Variants in CMTM8 observed in about 807,000 individuals in gnomAD.
CMTM8 encodes CKLF-like MARVEL transmembrane domain-containing protein 8.
In CMTM8, 12 loss-of-function variants were observed where a neutral mutation model predicts 18.6. The ratio of observed to expected loss-of-function variants is 0.65; its 90% CI spans 0.41 to 1.05. The LOEUF (loss-of-function observed/expected upper bound fraction) is 1.05. Ranked by LOEUF, CMTM8 falls within the 50% of genes least tolerant of loss-of-function variation. The probability of loss-of-function intolerance (pLI) is 0.00; values close to 1 mark genes in which losing one functional copy is unlikely to be tolerated. For missense variants in CMTM8, 217 were observed against 227.2 expected, an observed-to-expected ratio of 0.95 and a Z score of 0.29; for synonymous variants, 87 against 90.6, an observed-to-expected ratio of 0.96 and a Z score of 0.23.
chr3:32,298,247 A>G lies in CMTM8; in HGVS notation c.148-59126A>G, dbSNP rs143182370. ...ACCACCATGCCCAGCTAATTTTTGCATTTTTGGTAGAGACAGGTTTTGCCA... is the reference window on the plus strand; with the variant it reads ...ACCACCATGCCCAGCTAATTTTTGCGTTTTTGGTAGAGACAGGTTTTGCCA... On this transcript the variant is annotated intron_variant, in intron 1 of 3. Coordinates refer to ENST00000307526, the MANE Select transcript of CMTM8 (RefSeq NM_178868.5). Among the ~76,000 whole-genome samples, 592 of 150,868 alleles carry G rather than the reference A, an allele frequency of 3.9e-3. 7 individuals are homozygous for G. The highest frequency in any genetic ancestry group is 0.014 in the African/African-American group (559 of 41,350).
chr3:32,315,363 C>T (rs1344044247), intron 1 of CMTM8, among the ~76,000 whole-genome samples: 3 of 152,278 alleles, frequency 2.0e-5, no homozygotes, highest in African/African-American at 7.2e-5. Context: ...CTCCTCACCT[C>T]AAGTGATCCA....
In CMTM8 at chr3:32,359,813, T is replaced by A. The variant is rs553884134; in HGVS notation, c.321+2267T>A. On this transcript the variant is annotated intron_variant, in intron 2 of 3. Coordinates refer to ENST00000307526, the MANE Select transcript of CMTM8 (RefSeq NM_178868.5). ...ACCCCTGGTTTTAAAATGCTTTGAT[T>A]TGCATTATCAGAATTTATTATCGTA... is the stretch of plus-strand genomic sequence containing the variant. Among the ~76,000 whole-genome samples, 57 of 152,356 alleles carry A rather than the reference T, an allele frequency of 3.7e-4. 3 individuals are homozygous for A. In the South Asian group the frequency reaches 0.012, roughly 31 times the overall value.
At chr3:32,356,461 G>T (rs1326250200) in intron 1 of CMTM8, among the ~76,000 whole-genome samples, 1 of 152,196 alleles carries the variant, frequency 6.6e-6, no homozygotes, top group Non-Finnish European at 1.5e-5. Flanking sequence ...GTTTCCTTTT[G>T]CTTGATGAAG....
intron 1 of CMTM8, among the ~76,000 whole-genome samples, chr3:32,347,199 G>T (rs975267224): frequency 6.6e-6 from 1 of 151,444 alleles, no homozygotes; most frequent in Admixed American, 6.6e-5. Flanking sequence ...AGAGCTGAGT[G>T]TTGTAGTGAA....
chr3:32,238,573 G>A (rs1701898192), upstream of CMTM8: 1 of 156,594 alleles, frequency 6.4e-6, no homozygotes, highest in Non-Finnish European at 1.4e-5. Context: ...GCCGCTGGGA[G>A]TCGGGCAACA....
chr3:32,317,031 A>G (rs1695946534), intron 1 of CMTM8, among the ~76,000 whole-genome samples: 1 of 152,230 alleles, frequency 6.6e-6, no homozygotes, highest in South Asian at 2.1e-4. Context: ...TAAATTTCAA[A>G]CGCTTCAGAG....
intron 1 of CMTM8, among the ~76,000 whole-genome samples, chr3:32,311,790 C>G (rs1695824951): frequency 6.6e-6 from 1 of 152,224 alleles, no homozygotes; most frequent in African/African-American, 2.4e-5. Context: ...GTTGAAGTCT[C>G]AGTCCCACCA....
intron 1 of CMTM8, among the ~76,000 whole-genome samples, chr3:32,249,298 T>G (rs1702084692): frequency 6.6e-6 from 1 of 151,700 alleles, no homozygotes; most frequent in African/African-American, 2.4e-5. Context: ...GGCACGGTGG[T>G]GTGTGCCTGT....
chr3:32,280,846 CA>C (rs60845487), intron 1 of CMTM8, among the ~76,000 whole-genome samples: 20,789 of 67,330 alleles, frequency 0.31, 1,307 homozygotes, highest in South Asian at 0.36. Context: ...AGAAAATAGG[CA>C]AAAAAAAAAA....
chr3:32,239,122 G>C lies in CMTM8; in HGVS notation c.147+3G>C. The C allele has an allele frequency of 6.3e-7, 1 of 1,595,480 alleles. No homozygotes were observed. The highest frequency in any genetic ancestry group is 8.5e-7 in the Non-Finnish European group (1 of 1,171,746). On this transcript the variant is annotated splice_donor_region_variant and intron_variant, in intron 1 of 3. Coordinates refer to ENST00000307526, the MANE Select transcript of CMTM8 (RefSeq NM_178868.5). ...GCTTCCTCATCGTGGCCGAGATCGT[G>C]AGTGCCGACGGGCCGGGGGTGGCGG... is the stretch of plus-strand genomic sequence containing the variant.
At chr3:32,259,848 A>G in intron 1 of CMTM8, 3 of 828,840 alleles carry the variant, frequency 3.6e-6, no homozygotes, top group African/African-American at 1.7e-5. Flanking sequence ...CATGCAGTCC[A>G]GTCCTTGGAG....
At chr3:32,300,374 C>T (rs1393346953) in intron 1 of CMTM8, among the ~76,000 whole-genome samples, 2 of 152,142 alleles carry the variant, frequency 1.3e-5, no homozygotes, top group Non-Finnish European at 2.9e-5. Context: ...CCAATTCTTA[C>T]ACAGAAAAGT....
intron 1 of CMTM8, among the ~76,000 whole-genome samples, chr3:32,266,495 T>C (rs904535698): frequency 2.6e-5 from 4 of 152,168 alleles, no homozygotes; most frequent in African/African-American, 7.2e-5. Flanking sequence ...CCAGCCAATA[T>C]CATACTGCAT....
chr3:32,240,891 G>A (rs1201375767), intron 1 of CMTM8, among the ~76,000 whole-genome samples: 2 of 152,064 alleles, frequency 1.3e-5, no homozygotes, highest in African/African-American at 4.8e-5. Context: ...GGGCTCAAGC[G>A]ATCTTCCCAT....
rs368921222 is a variant in CMTM8, at chr3:32,284,669, G to A, written c.147+45550G>A. 2.6e-5 allele frequency among the ~76,000 whole-genome samples: 4 copies of A among 152,282 alleles called. No individual in the cohort carries two copies. The East Asian group carries it at 5.8e-4, about 22-fold the overall frequency. ...CTCACAGAGGGCATGAACTGTGTCT[G>A]TTCATCTTTGTACTCCAGTACCTGG... On this transcript the variant is annotated intron_variant, in intron 1 of 3. Transcript: ENST00000307526.
At chr3:32,288,710 C>A (rs578111658) in intron 1 of CMTM8, among the ~76,000 whole-genome samples, 2 of 152,142 alleles carry the variant, frequency 1.3e-5, no homozygotes, top group South Asian at 2.1e-4. Flanking sequence ...CCATGTTAGC[C>A]AGGATGTTCT....
chr3:32,364,232 C>T (rs984994751), intron 2 of CMTM8, among the ~76,000 whole-genome samples: 10 of 152,224 alleles, frequency 6.6e-5, no homozygotes, highest in African/African-American at 1.9e-4. Flanking sequence ...AGGCCGGGTG[C>T]GGTGGCTCAC....
chr3:32,349,265 T>C (rs1308329631), intron 1 of CMTM8, among the ~76,000 whole-genome samples: 6 of 152,116 alleles, frequency 3.9e-5, no homozygotes, highest in Non-Finnish European at 8.8e-5. Context: ...CTTATGAACC[T>C]TGAACTTCAT....
chr3:32,319,278 C>T lies in CMTM8; in HGVS notation c.148-38095C>T, dbSNP rs1026935546. 2.7e-5 allele frequency among the ~76,000 whole-genome samples: 4 copies of T among 150,880 alleles called. No homozygotes were observed. In the South Asian group the frequency reaches 8.4e-4, roughly 32 times the overall value. Reference sequence around the variant, plus strand: ...ATTTTTAGTAGAGACAGGGTTTCACCATATTGGCCAGGCTGGTCTCGAACT... The same window carrying T: ...ATTTTTAGTAGAGACAGGGTTTCACTATATTGGCCAGGCTGGTCTCGAACT... On this transcript the variant is annotated intron_variant, in intron 1 of 3. Transcript: ENST00000307526.
Sources: gnomAD v4.1 joint callset for allele counts (sites outside exome capture counted in the v4.1 genomes callset) on GRCh38, gnomAD v4.1.1 for gene constraint, MANE v1.5 for transcripts, NCBI Gene and HGNC (gene_info 2026-07-23, HGNC 2026-07-21) for gene names.